Variants in SLC1A1 observed in about 807,000 individuals in gnomAD.
SLC1A1 encodes the protein solute carrier family 1 member 1, also known as excitatory amino acid transporter 3.
A neutral mutation model predicts 53.3 loss-of-function variants in SLC1A1; 43 were observed. That is an observed-to-expected ratio of 0.81 (90% CI 0.63 to 1.04). SLC1A1 has a LOEUF of 1.04. Ranked by LOEUF, SLC1A1 falls within the 50% of genes least tolerant of loss-of-function variation. The pLI, the probability that SLC1A1 is intolerant of heterozygous loss-of-function variation, is 0.00. For synonymous variants in SLC1A1, 307 were observed against 243.2 expected (o/e 1.26, Z -2.44); for missense variants, 748 against 664.9 (o/e 1.12, Z -1.37).
chr9:4,580,439 G>A (rs1444778178), intron 10 of SLC1A1, among the ~76,000 whole-genome samples: 1 of 151,932 alleles, frequency 6.6e-6, no homozygotes, highest in African/African-American at 2.4e-5. Context: ...AAATTAGCCA[G>A]GTGTTATGGA....
intron 1 of SLC1A1, among the ~76,000 whole-genome samples, chr9:4,532,550 A>G (rs1422911461): frequency 6.6e-6 from 1 of 152,192 alleles, no homozygotes; most frequent in Non-Finnish European, 1.5e-5. Context: ...CCTCCAAGAA[A>G]TATGGGACTA....
At chr9:4,519,804 G>C (rs1816000779) in intron 1 of SLC1A1, among the ~76,000 whole-genome samples, 1 of 152,188 alleles carries the variant, frequency 6.6e-6, no homozygotes, top group Non-Finnish European at 1.5e-5. Context: ...GGAAATTTCT[G>C]CTGTGTCTTA....
intron 1 of SLC1A1, among the ~76,000 whole-genome samples, chr9:4,539,351 G>A (rs1018790937): frequency 6.6e-6 from 1 of 152,100 alleles, no homozygotes; most frequent in African/African-American, 2.4e-5. Context: ...ATTGTTTCCT[G>A]AACAATATTT....
At chr9:4,498,352 A>G (rs1820512691) in intron 1 of SLC1A1, among the ~76,000 whole-genome samples, 1 of 152,230 alleles carries the variant, frequency 6.6e-6, no homozygotes, top group South Asian at 2.1e-4. Context: ...TTACAACAGT[A>G]ATAGAAGGTC....
Position 4,549,177 on chromosome 9 carries a change from C to T in SLC1A1, c.232+4470C>T, listed in dbSNP as rs75385119. Among the ~76,000 whole-genome samples the T allele has an allele frequency of 0.041, 6,239 of 152,244 alleles. 147 individuals carry two copies. Among genetic ancestry groups the T allele is most frequent in the Middle Eastern group, 0.078 (23 of 294 alleles). On this transcript the variant is annotated intron_variant, in intron 2 of 11. Coordinates refer to ENST00000262352, the MANE Select transcript of SLC1A1 (RefSeq NM_004170.6). The surrounding 1 kb of genome is among the most constrained non-coding windows in gnomAD (Gnocchi z 4.1). Reference sequence around the variant, plus strand: ...CGCTCCCAGAGGTCCCCTGAGCATCCTTCCCGGATGCTCATAACTTTGCTC... The same window carrying T: ...CGCTCCCAGAGGTCCCCTGAGCATCTTTCCCGGATGCTCATAACTTTGCTC...
At chr9:4,534,669 T>A (rs182921877) in intron 1 of SLC1A1, among the ~76,000 whole-genome samples, 2 of 146,256 alleles carry the variant, frequency 1.4e-5, no homozygotes, top group African/African-American at 5.0e-5. Flanking sequence ...CTGAAACTAT[T>A]CCAATCAATA....
chr9:4,548,792 GAA>G lies in SLC1A1; in HGVS notation c.232+4094_232+4095del, dbSNP rs5896082. Among the ~76,000 whole-genome samples, 806 of 151,336 alleles carry G rather than the reference GAA, an allele frequency of 5.3e-3. 7 individuals are homozygous for G. Among genetic ancestry groups the G allele is most frequent in the Non-Finnish European group, 8.1e-3 (552 of 67,806 alleles). On this transcript the variant is annotated intron_variant, in intron 2 of 11. Transcript: ENST00000262352. ...AATGTCTCAAATTTACTTTAAAACA[GAA>G]AAAAAAAATGGCACAGTTGATATAA...
intron 1 of SLC1A1, among the ~76,000 whole-genome samples, chr9:4,539,558 G>T (rs1202226682): frequency 6.6e-6 from 1 of 151,864 alleles, no homozygotes. Context: ...CTTTCTTTGT[G>T]TTTTACCAAC....
At position 4,532,713 on chromosome 9, in the gene SLC1A1, C is replaced by T. The variant is rs142766941; in HGVS notation, c.92-11854C>T. Among the ~76,000 whole-genome samples the T allele has an allele frequency of 4.2e-3, 638 of 152,184 alleles. 3 individuals carry two copies. The highest frequency in any genetic ancestry group is 0.014 in the African/African-American group (579 of 41,514). ...ATTCAAATTCAGGAAATACAGAGAA[C>T]GCCACAAAGATACTCCTCGAGAAGA... On this transcript the variant is annotated intron_variant, in intron 1 of 11. Coordinates refer to ENST00000262352, the MANE Select transcript of SLC1A1 (RefSeq NM_004170.6).
At position 4,523,941 on chromosome 9, in the gene SLC1A1, G is replaced by T. The variant is rs534536190; in HGVS notation, c.92-20626G>T. On this transcript the variant is annotated intron_variant, in intron 1 of 11. Coordinates refer to ENST00000262352, the MANE Select transcript of SLC1A1 (RefSeq NM_004170.6). ...TGAACAGTCTCTTCTTAAAGAGCCT[G>T]CCTCCTGAAGGGTTACTGATGAATT... is the stretch of plus-strand genomic sequence containing the variant. Among the ~76,000 whole-genome samples, 16 of 152,334 alleles carry T rather than the reference G, an allele frequency of 1.1e-4. 1 individual carries two copies. The South Asian group carries it at 3.1e-3, about 30-fold the overall frequency.
intron 2 of SLC1A1, among the ~76,000 whole-genome samples, chr9:4,545,918 G>A (rs1817454007): frequency 6.6e-6 from 1 of 152,224 alleles, no homozygotes; most frequent in Admixed American, 6.5e-5. Flanking sequence ...CATGACAGTA[G>A]CTGGTGGTGT....
intron 3 of SLC1A1, among the ~76,000 whole-genome samples, chr9:4,562,705 AT>A (rs1248382519): frequency 6.6e-6 from 1 of 152,124 alleles, no homozygotes; most frequent in African/African-American, 2.4e-5. Flanking sequence ...ACTGAGAATG[AT>A]GATTTCCAAT....
intron 8 of SLC1A1, among the ~76,000 whole-genome samples, chr9:4,575,059 G>A (rs1361053230): frequency 6.6e-6 from 1 of 152,196 alleles, no homozygotes; most frequent in Non-Finnish European, 1.5e-5. Flanking sequence ...TATGAGCTGA[G>A]CCATTTCATA....
intron 5 of SLC1A1, 21 bp downstream of exon 5, chr9:4,566,110 C>T (rs1452127029): frequency 1.1e-5 from 17 of 1,596,862 alleles, no homozygotes; most frequent in Non-Finnish European, 1.3e-5. Flanking sequence ...TTACTTGTGC[C>T]CTTAACTTGC....
chr9:4,498,541 C>A (rs1465770638), intron 1 of SLC1A1, among the ~76,000 whole-genome samples: 3 of 151,170 alleles, frequency 2.0e-5, no homozygotes, highest in Non-Finnish European at 2.9e-5. Context: ...ATAGGGAAAA[C>A]AAAAAAAAGC....
intron 4 of SLC1A1, among the ~76,000 whole-genome samples, chr9:4,565,282 G>A (rs1274718137): frequency 2.0e-5 from 3 of 152,172 alleles, no homozygotes; most frequent in African/African-American, 7.2e-5. Context: ...CAGTAATTAT[G>A]ATGATATTTG....
intron 1 of SLC1A1, among the ~76,000 whole-genome samples, chr9:4,534,849 C>T (rs1190090511): frequency 2.0e-5 from 3 of 152,162 alleles, no homozygotes; most frequent in Non-Finnish European, 4.4e-5. Context: ...CATCAAGAAG[C>T]TTATCCACCA....
intron 8 of SLC1A1, among the ~76,000 whole-genome samples, chr9:4,575,100 C>T (rs1487496395): frequency 1.3e-5 from 2 of 152,156 alleles, no homozygotes; most frequent in African/African-American, 4.8e-5. Context: ...ATTCTCTTAC[C>T]CCAGCTAGGT....
rs147586384 is a variant in SLC1A1 at position 4,496,532 on chromosome 9, GTTTTT to G, written c.91+5763_91+5767del. ...ACTGCACTCAGCCTTGTTTTGTTTT[GTTTTT>G]GTTTGTTTTTTGTTTTTTAAGGAGA... is the stretch of plus-strand genomic sequence containing the variant. On this transcript the variant is annotated intron_variant, in intron 1 of 11. Coordinates refer to ENST00000262352, the MANE Select transcript of SLC1A1 (RefSeq NM_004170.6). 4.2e-3 allele frequency among the ~76,000 whole-genome samples: 641 copies of G among 151,954 alleles called. 4 individuals are homozygous for G. The highest frequency in any genetic ancestry group is 0.014 in the African/African-American group (599 of 41,462).
Sources: gnomAD v4.1 joint callset for allele counts (sites outside exome capture counted in the v4.1 genomes callset) on GRCh38, gnomAD v4.1.1 for gene constraint, Gnocchi (gnomAD v3.1) non-coding constraint, MANE v1.5 for transcripts, NCBI Gene and HGNC (gene_info 2026-07-23, HGNC 2026-07-21) for gene names.